EHMT1: variants seen among roughly 807,000 people sequenced by gnomAD.
The protein encoded by EHMT1 is euchromatic histone lysine methyltransferase 1, also known as histone-lysine N-methyltransferase EHMT1.
A neutral mutation model predicts 147.2 loss-of-function variants in EHMT1; 15 were observed. That is an observed-to-expected ratio of 0.10 (90% CI 0.07 to 0.16). EHMT1 has a LOEUF of 0.16. Ranked by LOEUF, EHMT1 falls within the 10% of genes least tolerant of loss-of-function variation. The pLI is 1.00. For missense variants in EHMT1, 1,587 were observed against 1,772.4 expected (o/e 0.90, Z 1.88); for synonymous variants, 795 against 709.6 (o/e 1.12, Z -1.91).
In EHMT1 at chr9:137,834,760, G is replaced by C. The variant is rs779131156; in HGVS notation, c.3717-13G>C. Reference sequence around the variant, plus strand: ...GGATTCGACTTGGAGCCTTGGTTCTGTTCCCTCCCCAGGTTTGACTATGGA... The same window carrying C: ...GGATTCGACTTGGAGCCTTGGTTCTCTTCCCTCCCCAGGTTTGACTATGGA... On this transcript the variant is annotated splice_polypyrimidine_tract_variant and intron_variant, in intron 26 of 26. Coordinates refer to ENST00000460843, the MANE Select transcript of EHMT1 (RefSeq NM_024757.5). 6.2e-7 allele frequency: 1 copy of C among 1,613,514 alleles called. No individual in the cohort carries two copies.
intron 15 of EHMT1, chr9:137,788,001 T>G: frequency 1.4e-6 from 2 of 1,460,720 alleles, no homozygotes; most frequent in East Asian, 4.6e-5. Flanking sequence ...CTGCAGTAAG[T>G]GGAGAGGCCA....
intron 1 of EHMT1, among the ~76,000 whole-genome samples, chr9:137,661,058 T>C (rs1939024215): frequency 1.3e-5 from 2 of 152,244 alleles, no homozygotes; most frequent in African/African-American, 4.8e-5. Flanking sequence ...GAAACAATGC[T>C]AGTGGATGTT....
intron 15 of EHMT1, among the ~76,000 whole-genome samples, chr9:137,783,044 A>G (rs553492878): frequency 6.6e-6 from 1 of 152,096 alleles, no homozygotes; most frequent in Admixed American, 6.5e-5. Flanking sequence ...TGTGTGACCT[A>G]TTATTTCTGG....
rs768651752 is a variant in EHMT1 at position 137,716,720 on chromosome 9, C to A, written c.180C>A (p.Asn60Lys). 1 of 1,611,966 alleles carries A rather than the reference C, an allele frequency of 6.2e-7. No individual in the cohort carries two copies. The highest frequency in any genetic ancestry group is 1.7e-5 in the Admixed American group (1 of 59,952). Residue 60 changes from asparagine (N) to lysine (K), a missense_variant, in exon 3 of 27, where the codon AAC becomes AAA. By Grantham distance (94) the Asn-to-Lys change is moderately conservative. This residue lies in a region of EHMT1 where 810 missense variants were observed against 673.0 expected (regional missense o/e 1.20). Transcript: ENST00000460843. ...GTGAGACCAATGGGTCTTGTGAAAA[C>A]AGCGATGCCAGCAGTCATGCAAATG... Reference protein sequence around the residue: ...ADGETNGSCENSDASSHANAA... With the variant: ...ADGETNGSCEKSDASSHANAA...
chr9:137,658,317 ATTG>A (rs891840103), intron 1 of EHMT1, among the ~76,000 whole-genome samples: 1 of 151,556 alleles, frequency 6.6e-6, no homozygotes, highest in Non-Finnish European at 1.5e-5. Flanking sequence ...CACCCGGTTA[ATTG>A]TTGTATTTTT....
At chr9:137,682,254 G>T (rs771347273) in intron 1 of EHMT1, among the ~76,000 whole-genome samples, 1 of 152,006 alleles carries the variant, frequency 6.6e-6, no homozygotes, top group African/African-American at 2.4e-5. Flanking sequence ...GGCCAAAATC[G>T]TCCTCTTTAA....
intron 1 of EHMT1, among the ~76,000 whole-genome samples, chr9:137,631,718 A>G (rs1358954989): frequency 6.6e-6 from 1 of 152,074 alleles, no homozygotes; most frequent in Non-Finnish European, 1.5e-5. Flanking sequence ...TCTACAAAAA[A>G]TAATGAAAAA....
In EHMT1 at chr9:137,835,812, T is replaced by G. The variant is rs1956541091; in HGVS notation, c.*859T>G. ...TATCAACTGTATAAAGAGAACAAAGTGATTTTAGAATAAAATGCAGGAAAA... is the reference window on the plus strand; with the variant it reads ...TATCAACTGTATAAAGAGAACAAAGGGATTTTAGAATAAAATGCAGGAAAA... On this transcript the variant is annotated 3_prime_UTR_variant, in exon 27 of 27. Coordinates refer to ENST00000460843, the MANE Select transcript of EHMT1 (RefSeq NM_024757.5). The G allele has an allele frequency of 6.6e-6, 1 of 152,618 alleles. No homozygotes were observed. The highest frequency in any genetic ancestry group is 1.5e-5 in the Non-Finnish European group (1 of 68,050). The allele number at this position is 152,618 out of a possible 1,614,324, so 9.5% of individuals were successfully genotyped here.
intron 25 of EHMT1, among the ~76,000 whole-genome samples, chr9:137,833,616 C>T (rs1035577169): frequency 1.3e-5 from 2 of 152,246 alleles, no homozygotes; most frequent in African/African-American, 2.4e-5. Context: ...CCCACCTCGT[C>T]CCCCTCTCTA....
In EHMT1 at chr9:137,791,791, G is replaced by A. The variant is rs111284267; in HGVS notation, c.2505+821G>A. Among the ~76,000 whole-genome samples, 318 of 152,274 alleles carry A rather than the reference G, an allele frequency of 2.1e-3. 1 individual carries two copies. Among genetic ancestry groups the A allele is most frequent in the Non-Finnish European group, 3.2e-3 (215 of 68,026 alleles). ...CTGTCACCCAGATTGGAGTGCAGTG[G>A]CACAATCTCGGCCTACTGCAACCTC... On this transcript the variant is annotated intron_variant, in intron 16 of 26. Coordinates refer to ENST00000460843, the MANE Select transcript of EHMT1 (RefSeq NM_024757.5).
At chr9:137,704,073 C>T (rs1944052001) in intron 1 of EHMT1, among the ~76,000 whole-genome samples, 2 of 152,172 alleles carry the variant, frequency 1.3e-5, no homozygotes, top group South Asian at 2.1e-4. Flanking sequence ...GGGGGAAGTG[C>T]CACACACTTT....
intron 4 of EHMT1, among the ~76,000 whole-genome samples, chr9:137,730,580 C>T (rs1041451853): frequency 1.3e-5 from 2 of 152,218 alleles, no homozygotes; most frequent in Admixed American, 6.5e-5. Flanking sequence ...CGTGGGCCAC[C>T]GCCCCCAGCC....
chr9:137,717,178 G>A lies in EHMT1; in HGVS notation c.638G>A (p.Gly213Asp), dbSNP rs1356644274. ...AAGACCATGCCGAAGTCCGTCGTGG[G>A]CCTGGTAATTTTGTGTCTTCTCTTG... is the stretch of plus-strand genomic sequence containing the variant. ...ARKTMPKSVV[G>D]LHAASKDPRE... is the part of the protein sequence containing the mutation. Residue 213 changes from glycine (G) to aspartate (D), a missense_variant, in exon 3 of 27, where the codon GGC becomes GAC. By Grantham distance (94) the Gly-to-Asp change is moderately conservative. Around this residue, in one of 7 missense-constraint regions of EHMT1, gnomAD observed 810 missense variants for 673.0 expected, o/e 1.20. Coordinates refer to ENST00000460843, the MANE Select transcript of EHMT1 (RefSeq NM_024757.5). 8 of 1,611,746 alleles carry A rather than the reference G, an allele frequency of 5.0e-6. No individual in the cohort carries two copies. The East Asian group carries it at 1.8e-4, about 36-fold the overall frequency.
chr9:137,774,696 G>T (rs1391481555), intron 10 of EHMT1, among the ~76,000 whole-genome samples: 18 of 116,976 alleles, frequency 1.5e-4, no homozygotes, highest in Admixed American at 4.5e-4. Flanking sequence ...GTGGGTGTGG[G>T]CACGCCTGCC....
chr9:137,706,023 T>C (rs1188824894), intron 1 of EHMT1, among the ~76,000 whole-genome samples: 1 of 121,732 alleles, frequency 8.2e-6, no homozygotes, highest in East Asian at 2.9e-4. Flanking sequence ...CACTTCTGCC[T>C]GGGCTCCTCT....
At chr9:137,824,755 C>T (rs1272525954) in intron 25 of EHMT1, among the ~76,000 whole-genome samples, 1 of 152,152 alleles carries the variant, frequency 6.6e-6, no homozygotes, top group Non-Finnish European at 1.5e-5. Context: ...GTATTATAAA[C>T]AGTATTGTTT....
intron 16 of EHMT1, among the ~76,000 whole-genome samples, 180 bp from the exon 17 acceptor site, chr9:137,798,633 T>G (rs539005104): frequency 1.4e-4 from 21 of 152,336 alleles, no homozygotes; most frequent in African/African-American, 4.6e-4. Context: ...CACAGGGGGC[T>G]GCACACAGCG....
intron 10 of EHMT1, among the ~76,000 whole-genome samples, chr9:137,766,807 C>G (rs1177629850): frequency 6.6e-6 from 1 of 152,026 alleles, no homozygotes; most frequent in Non-Finnish European, 1.5e-5. Context: ...TGGATTTGCT[C>G]TTTTAATAAA....
At chr9:137,740,188 G>A (rs904569900) in intron 4 of EHMT1, among the ~76,000 whole-genome samples, 4 of 142,816 alleles carry the variant, frequency 2.8e-5, no homozygotes, top group African/African-American at 5.2e-5. Context: ...CCCACCCCAC[G>A]CCCATTTCCA....
Sources: gnomAD v4.1 joint callset for allele counts (sites outside exome capture counted in the v4.1 genomes callset) on GRCh38, gnomAD v4.1.1 for gene constraint, gnomAD v4.1.1 regional missense constraint, MANE v1.5 for transcripts, NCBI Gene and HGNC (gene_info 2026-07-23, HGNC 2026-07-21) for gene names.